The following OLFML2A variants were observed in gnomAD, a reference collection of about 807,000 sequenced individuals.
OLFML2A encodes olfactomedin like 2A.
OLFML2A carries 47 observed loss-of-function variants against 60.9 expected under a neutral mutation model. That is an observed-to-expected ratio of 0.77 (90% confidence interval 0.61 to 0.98). The LOEUF is 0.98. Ranked by LOEUF, OLFML2A falls within the 50% of genes least tolerant of loss-of-function variation. The pLI, the probability that OLFML2A is intolerant of heterozygous loss-of-function variation, is 0.00. For missense variants in OLFML2A, 922 were observed against 879.8 expected, an observed-to-expected ratio of 1.05 and a Z score of -0.61; for synonymous variants, 372 against 375.0, an observed-to-expected ratio of 0.99 and a Z score of 0.09.
chr9:124,787,331 G>A (rs936725721), intron 2 of OLFML2A, 93 bp downstream of exon 2: 15 of 1,255,570 alleles, frequency 1.2e-5, no homozygotes, highest in African/African-American at 7.4e-5. Flanking sequence ...TCTGTGAGGC[G>A]AGTGGTGTTA....
rs1841972202 is a variant in OLFML2A at position 124,809,955 on chromosome 9, T to C, written c.1502T>C (p.Leu501Pro). Reference protein sequence around the residue: ...LRQRFVASWALLPDVVYEDTT... With the variant: ...LRQRFVASWAPLPDVVYEDTT... Reference sequence around the variant, plus strand: ...CAGCGCTTCGTGGCCTCCTGGGCGCTGCTGCCCGACGTGGTATATGAGGAC... The same window carrying C: ...CAGCGCTTCGTGGCCTCCTGGGCGCCGCTGCCCGACGTGGTATATGAGGAC... The change falls in exon 8 of 8, where the codon CTG becomes CCG. Residue 501 changes from leucine (L) to proline (P), a missense_variant. Coordinates refer to ENST00000373580, the MANE Select transcript of OLFML2A (RefSeq NM_182487.4). 1.2e-6 allele frequency: 2 copies of C among 1,614,036 alleles called. No homozygotes were observed. Among genetic ancestry groups the C allele is most frequent in the African/African-American group, 1.3e-5 (1 of 74,920 alleles).
At position 124,813,676 on chromosome 9, in the gene OLFML2A, G is replaced by C. The variant is rs968336210; in HGVS notation, c.*3264G>C. 2 of 152,210 alleles carry C rather than the reference G, an allele frequency of 1.3e-5. No homozygotes were observed. The highest frequency in any genetic ancestry group is 4.8e-5 in the African/African-American group (2 of 41,448). 9.4% of individuals were successfully genotyped at this position (152,210 alleles called of 1,614,324 possible). ...AAAAGCCTGAATGCCAAGCCAAGGAGTGGATGCCTCCAGTCATATTTAGAA... is the reference window on the plus strand; with the variant it reads ...AAAAGCCTGAATGCCAAGCCAAGGACTGGATGCCTCCAGTCATATTTAGAA... On this transcript the variant is annotated 3_prime_UTR_variant, in exon 8 of 8. Transcript: ENST00000373580.
chr9:124,810,298 G>T lies in OLFML2A; in HGVS notation c.1845G>T (p.Pro615=). Residue 615 remains proline, a synonymous_variant, in exon 8 of 8, where the codon CCG becomes CCT. Coordinates refer to ENST00000373580, the MANE Select transcript of OLFML2A (RefSeq NM_182487.4). ...GCACCGACGCACGCCCCCAGCTGCC[G>T]TTCCTCAACGAGCACGCCTACACCA... is the stretch of plus-strand genomic sequence containing the variant. ...HTGTDARPQL[P]FLNEHAYTTQ... 1 of 1,609,022 alleles carries T rather than the reference G, an allele frequency of 6.2e-7. No individual in the cohort carries two copies.
At chr9:124,786,391 C>T (rs1841469513) in intron 1 of OLFML2A, among the ~76,000 whole-genome samples, 1 of 152,036 alleles carries the variant, frequency 6.6e-6, no homozygotes, top group Non-Finnish European at 1.5e-5. Flanking sequence ...CCACTGCACT[C>T]CAGCCTGGGC....
At chr9:124,786,610 A>G (rs1211208550) in intron 1 of OLFML2A, among the ~76,000 whole-genome samples, 1 of 151,460 alleles carries the variant, frequency 6.6e-6, no homozygotes, top group South Asian at 2.1e-4. Context: ...AGTCCCAGCT[A>G]CTCGGGAGGC....
chr9:124,797,819 T>TA (rs1166084168), intron 3 of OLFML2A, among the ~76,000 whole-genome samples: 1 of 152,128 alleles, frequency 6.6e-6, no homozygotes, highest in Non-Finnish European at 1.5e-5. Flanking sequence ...GATCCCTAGA[T>TA]AGCGGGAGGT....
chr9:124,801,788 C>T, intron 5 of OLFML2A, 125 bp downstream of exon 5: 2 of 1,076,454 alleles, frequency 1.9e-6, no homozygotes, highest in Non-Finnish European at 2.7e-6. Flanking sequence ...TGTTGGGTGC[C>T]CTCTGCTCAT....
At chr9:124,786,927 C>T in intron 1 of OLFML2A, 48 bp from the exon 2 acceptor site, 3 of 1,567,032 alleles carry the variant, frequency 1.9e-6, no homozygotes, top group Non-Finnish European at 2.6e-6. Context: ...CCTGCCATAG[C>T]ACTGCCTAGC....
chr9:124,811,392 A>C lies in OLFML2A; in HGVS notation c.*980A>C, dbSNP rs1265857083. 1 of 152,618 alleles carries C rather than the reference A, an allele frequency of 6.6e-6. No individual in the cohort carries two copies. The highest frequency in any genetic ancestry group is 1.5e-5 in the Non-Finnish European group (1 of 68,112). 9.5% of individuals were successfully genotyped at this position (152,618 alleles called of 1,614,324 possible). A position where few individuals can be genotyped will look rare whatever the true frequency, so the allele number is the denominator to read the frequency against. On this transcript the variant is annotated 3_prime_UTR_variant, in exon 8 of 8. Coordinates refer to ENST00000373580, the MANE Select transcript of OLFML2A (RefSeq NM_182487.4). The stretch of plus-strand genomic sequence containing the variant: ...TTTTCTCTGGGCTTTCAAACCCACA[A>C]CCTTTACACACTCAGGGATACCTCC...
intron 3 of OLFML2A, among the ~76,000 whole-genome samples, chr9:124,796,213 G>A (rs1490001224): frequency 6.6e-6 from 1 of 152,224 alleles, no homozygotes; most frequent in African/African-American, 2.4e-5. Flanking sequence ...GTGGCTTTAA[G>A]TATTCGAAAA....
chr9:124,782,561 G>A (rs1471390658), intron 1 of OLFML2A, among the ~76,000 whole-genome samples: 15 of 152,206 alleles, frequency 9.9e-5, no homozygotes. Flanking sequence ...CAAGCAGGGA[G>A]GAGGTATGGG....
At chr9:124,785,467 G>A (rs183933941) in intron 1 of OLFML2A, among the ~76,000 whole-genome samples, 2,480 of 142,714 alleles carry the variant, frequency 0.017, 48 homozygotes, top group East Asian at 0.093. Flanking sequence ...GCGCGATCTC[G>A]GCTCACTGCA....
rs1421373682 is a variant in OLFML2A, at chr9:124,787,119, A to G, written c.235A>G (p.Thr79Ala). 1.2e-6 allele frequency: 2 copies of G among 1,614,178 alleles called. No homozygotes were observed. The highest frequency in any genetic ancestry group is 1.3e-5 in the African/African-American group (1 of 75,048). Residue 79 changes from threonine to alanine, a missense_variant, in exon 2 of 8, where the codon ACT (threonine) becomes GCT (alanine). By Grantham distance (58) the Thr-to-Ala change is moderately conservative (BLOSUM62 0). Coordinates refer to ENST00000373580, the MANE Select transcript of OLFML2A (RefSeq NM_182487.4). ...ARVEDFYTVE[T>A]VSSGTDCRCS... ...CGTGGAGGACTTCTACACGGTGGAGACTGTGAGCTCGGGCACTGACTGCCG... is the reference window on the plus strand; with the variant it reads ...CGTGGAGGACTTCTACACGGTGGAGGCTGTGAGCTCGGGCACTGACTGCCG...
At position 124,810,545 on chromosome 9, in the gene OLFML2A, C is replaced by T; in HGVS notation, c.*133C>T. The T allele has an allele frequency of 1.1e-6, 1 of 911,056 alleles. No homozygotes were observed. Among genetic ancestry groups the T allele is most frequent in the Non-Finnish European group, 1.6e-6 (1 of 620,124 alleles). The allele number at this position is 911,056 out of a possible 1,614,324, so 56.4% of individuals were successfully genotyped here. A position where few individuals can be genotyped will look rare whatever the true frequency, so the allele number is the denominator to read the frequency against. ...GCTGGGACTGGGCATGAGGTGGTCACCAGGATTGAGCTTCCTCAGCACCCA... is the reference window on the plus strand; with the variant it reads ...GCTGGGACTGGGCATGAGGTGGTCATCAGGATTGAGCTTCCTCAGCACCCA... On this transcript the variant is annotated 3_prime_UTR_variant, in exon 8 of 8. Coordinates refer to ENST00000373580, the MANE Select transcript of OLFML2A (RefSeq NM_182487.4).
At chr9:124,805,808 G>GTT (rs59555267) in intron 6 of OLFML2A, among the ~76,000 whole-genome samples, 1,242 of 71,234 alleles carry the variant, frequency 0.017, 25 homozygotes, top group African/African-American at 0.028. Flanking sequence ...GGTTTTTTTG[G>GTT]TTTTTTTTTT....
At chr9:124,786,797 C>CAGAG (rs1554755793) in intron 1 of OLFML2A, among the ~76,000 whole-genome samples, 178 bp from the exon 2 acceptor site, 100 of 123,774 alleles carry the variant, frequency 8.1e-4, no homozygotes, top group African/African-American at 2.8e-3. Context: ...CACACACACA[C>CAGAG]AGAGTTGTTA....
chr9:124,805,246 C>A (rs1476387913), intron 6 of OLFML2A, among the ~76,000 whole-genome samples: 1 of 152,102 alleles, frequency 6.6e-6, no homozygotes, highest in African/African-American at 2.4e-5. Context: ...CTGCTTTGGT[C>A]CAAGGTCATT....
chr9:124,797,236 C>T (rs1228621025), intron 3 of OLFML2A, among the ~76,000 whole-genome samples: 2 of 152,224 alleles, frequency 1.3e-5, no homozygotes, highest in Non-Finnish European at 2.9e-5. Flanking sequence ...CTGCCTTGGC[C>T]TCCCAAGGTG....
intron 1 of OLFML2A, among the ~76,000 whole-genome samples, chr9:124,781,353 G>C (rs1340010529): frequency 2.0e-5 from 3 of 152,154 alleles, no homozygotes; most frequent in Non-Finnish European, 4.4e-5. Flanking sequence ...AGAAGAGGCT[G>C]GGTCCAGTCT....
Sources: allele counts gnomAD v4.1 joint callset (sites outside exome capture counted in the v4.1 genomes callset), GRCh38; gene constraint gnomAD v4.1.1; transcripts MANE v1.5; gene names NCBI Gene and HGNC (gene_info 2026-07-23, HGNC 2026-07-21).